CYP39A1: variants seen among roughly 807,000 people sequenced by gnomAD.
CYP39A1 encodes the protein 24-hydroxycholesterol 7-alpha-hydroxylase.
In CYP39A1, 49 loss-of-function variants were observed where a neutral mutation model predicts 58.1. The ratio of observed to expected loss-of-function variants is 0.84; its 90% CI spans 0.67 to 1.07. The LOEUF (loss-of-function observed/expected upper bound fraction) is 1.07, where lower values mean the gene tolerates loss of function less well. Among genes scored for constraint, CYP39A1 ranks in the 50% least tolerant of loss-of-function variants. The probability of loss-of-function intolerance (pLI) is 0.00; values close to 1 mark genes in which losing one functional copy is unlikely to be tolerated. For synonymous variants in CYP39A1, 209 were observed against 187.6 expected, an observed-to-expected ratio of 1.11 and a Z score of -0.93; for missense variants, 531 against 539.4, an observed-to-expected ratio of 0.98 and a Z score of 0.16.
intron 7 of CYP39A1, among the ~76,000 whole-genome samples, chr6:46,610,864 C>T (rs1377853317): frequency 6.6e-6 from 1 of 152,040 alleles, no homozygotes; most frequent in Non-Finnish European, 1.5e-5. Flanking sequence ...TTGTAGTTTC[C>T]TCCATATAGG....
chr6:46,607,046 A>G (rs1208842445), intron 7 of CYP39A1, among the ~76,000 whole-genome samples: 1 of 152,200 alleles, frequency 6.6e-6, no homozygotes. Context: ...TCAAGGAGAC[A>G]AGCTTGAAAG....
At chr6:46,603,046 C>G (rs6458511) in intron 7 of CYP39A1, among the ~76,000 whole-genome samples, 80,086 of 151,938 alleles carry the variant, frequency 0.53, 25,113 homozygotes, top group African/African-American at 0.87. Context: ...CATTTTTACA[C>G]CTACAAAAGT....
intron 1 of CYP39A1, among the ~76,000 whole-genome samples, chr6:46,648,400 A>T (rs544812089): frequency 1.3e-5 from 2 of 151,754 alleles, no homozygotes; most frequent in East Asian, 3.9e-4. Flanking sequence ...TTCTCAGCAA[A>T]CTATCACAAG....
chr6:46,648,505 C>A (rs1582476275), intron 1 of CYP39A1, among the ~76,000 whole-genome samples: 1 of 102,244 alleles, frequency 9.8e-6, no homozygotes, highest in Non-Finnish European at 1.8e-5. Flanking sequence ...CACACCGGGG[C>A]CTGTTGTTGG....
intron 6 of CYP39A1, among the ~76,000 whole-genome samples, chr6:46,626,031 C>T (rs1402899454): frequency 6.6e-6 from 1 of 151,596 alleles, no homozygotes; most frequent in African/African-American, 2.4e-5. Flanking sequence ...TGAGAGTACT[C>T]AATGTCAAAA....
chr6:46,603,597 T>C (rs1359189666), intron 7 of CYP39A1, among the ~76,000 whole-genome samples: 1 of 152,218 alleles, frequency 6.6e-6, no homozygotes, highest in Non-Finnish European at 1.5e-5. Flanking sequence ...GACTCACAAA[T>C]GTCCCTGTGG....
At chr6:46,612,022 G>A (rs935526632) in intron 7 of CYP39A1, among the ~76,000 whole-genome samples, 5 of 152,172 alleles carry the variant, frequency 3.3e-5, no homozygotes, top group African/African-American at 1.2e-4. Flanking sequence ...CAACAGTGCT[G>A]CCCCAGAATA....
intron 7 of CYP39A1, among the ~76,000 whole-genome samples, chr6:46,607,613 A>G (rs1477764799): frequency 6.6e-6 from 1 of 152,162 alleles, no homozygotes; most frequent in Non-Finnish European, 1.5e-5. Flanking sequence ...ATGTTTTGCC[A>G]GAAAAGAAGG....
At chr6:46,633,470 C>T (rs1196366181) in intron 5 of CYP39A1, among the ~76,000 whole-genome samples, 1 of 152,292 alleles carries the variant, frequency 6.6e-6, no homozygotes, top group Non-Finnish European at 1.5e-5. Context: ...CAGTCTTCTG[C>T]TTCACTAGGC....
chr6:46,622,441 C>T (rs1451792818), intron 7 of CYP39A1, among the ~76,000 whole-genome samples: 1 of 151,856 alleles, frequency 6.6e-6, no homozygotes, highest in African/African-American at 2.4e-5. Flanking sequence ...CTTCCTCTGC[C>T]CCAATGTCCC....
In CYP39A1 at chr6:46,625,415, T is replaced by A; in HGVS notation, c.931+3A>T. On this transcript the variant is annotated splice_donor_region_variant and intron_variant, in intron 7 of 11. Transcript: ENST00000275016. ...TGTCTTCCTATATAATAAGGTTTAG[T>A]ACCTGCTTTGCCAAACACAGAAGAT... 1 of 1,602,724 alleles carries A rather than the reference T, an allele frequency of 6.2e-7. No individual in the cohort carries two copies. Among genetic ancestry groups the A allele is most frequent in the Non-Finnish European group, 8.5e-7 (1 of 1,172,970 alleles).
At chr6:46,583,895 T>C (rs1226799649) in intron 10 of CYP39A1, among the ~76,000 whole-genome samples, 1 of 152,166 alleles carries the variant, frequency 6.6e-6, no homozygotes, top group Non-Finnish European at 1.5e-5. Context: ...CATAAGAGTG[T>C]GTGTTCATGA....
At chr6:46,623,870 A>T (rs1582424505) in intron 7 of CYP39A1, among the ~76,000 whole-genome samples, 1 of 151,446 alleles carries the variant, frequency 6.6e-6, no homozygotes, top group South Asian at 2.1e-4. Flanking sequence ...AAGTATGGTT[A>T]AAAAAAAAGT....
At chr6:46,650,552 C>T (rs2396690) in intron 1 of CYP39A1, among the ~76,000 whole-genome samples, 3 of 141,404 alleles carry the variant, frequency 2.1e-5, no homozygotes, top group Non-Finnish European at 4.5e-5. Context: ...TGCCCAGGCT[C>T]GAGTGCAGTG....
At chr6:46,650,757 C>T (rs1196662730) in intron 1 of CYP39A1, among the ~76,000 whole-genome samples, 1 of 152,004 alleles carries the variant, frequency 6.6e-6, no homozygotes, top group Non-Finnish European at 1.5e-5. Flanking sequence ...CTCAAGCAAT[C>T]CTCCCACCCC....
intron 10 of CYP39A1, among the ~76,000 whole-genome samples, chr6:46,570,574 T>C (rs1771530754): frequency 6.6e-6 from 1 of 152,146 alleles, no homozygotes; most frequent in Non-Finnish European, 1.5e-5. Flanking sequence ...GACTAGGGAA[T>C]TTATAAAGAA....
chr6:46,605,987 C>T (rs1183968394), intron 7 of CYP39A1, among the ~76,000 whole-genome samples: 2 of 152,068 alleles, frequency 1.3e-5, no homozygotes, highest in African/African-American at 2.4e-5. Context: ...GTGGCAACTA[C>T]GGTCAGTTTG....
At chr6:46,588,956 G>A (rs992429904) in intron 8 of CYP39A1, among the ~76,000 whole-genome samples, 1 of 152,058 alleles carries the variant, frequency 6.6e-6, no homozygotes, top group African/African-American at 2.4e-5. Context: ...AGGAATCACA[G>A]GACAAAGAGA....
intron 7 of CYP39A1, among the ~76,000 whole-genome samples, chr6:46,605,566 C>T (rs896680486): frequency 4.6e-5 from 7 of 152,068 alleles, no homozygotes; most frequent in African/African-American, 2.4e-5. Context: ...GTGGCAGACA[C>T]GCAGAAGGGA....
Sources: allele counts gnomAD v4.1 joint callset (sites outside exome capture counted in the v4.1 genomes callset), GRCh38; gene constraint gnomAD v4.1.1; transcripts MANE v1.5; gene names NCBI Gene and HGNC (gene_info 2026-07-23, HGNC 2026-07-21).